Variants in ANKRD33B observed in about 807,000 individuals in gnomAD.
The protein encoded by ANKRD33B is ankyrin repeat domain 33B, also known as ankyrin repeat domain-containing protein 33B.
A neutral mutation model predicts 21.5 loss-of-function variants in ANKRD33B; 6 were observed. The observed-to-expected ratio is 0.28, with a 90% CI of 0.15 to 0.55. The LOEUF (loss-of-function observed/expected upper bound fraction) is 0.55, where lower values mean the gene tolerates loss of function less well. ANKRD33B is among the 20% of genes least tolerant of loss of function. ANKRD33B has a pLI of 0.94. For synonymous variants in ANKRD33B, 347 were observed against 342.4 expected (o/e 1.01, Z -0.15); for missense variants, 698 against 747.2 (o/e 0.93, Z 0.77).
At chr5:10,578,399 G>T (rs1369801703) in intron 1 of ANKRD33B, among the ~76,000 whole-genome samples, 2 of 152,234 alleles carry the variant, frequency 1.3e-5, no homozygotes, top group African/African-American at 2.4e-5. Context: ...GAGGAAAGCA[G>T]CATGTTAAGT....
In ANKRD33B at chr5:10,649,529, G is replaced by A. The variant is rs967396208; in HGVS notation, c.901G>A (p.Asp301Asn). 26 of 1,532,944 alleles carry A rather than the reference G, an allele frequency of 1.7e-5. No homozygotes were observed. Among genetic ancestry groups the A allele is most frequent in the Non-Finnish European group, 2.2e-5 (25 of 1,145,432 alleles). The allele number at this position is 1,532,944 out of a possible 1,614,324, so 95.0% of individuals were successfully genotyped here. A position where few individuals can be genotyped will look rare whatever the true frequency, so the allele number is the denominator to read the frequency against. The change falls in exon 4 of 4, where the codon GAC (aspartate) becomes AAC (asparagine). Residue 301 changes from aspartate to asparagine, a missense_variant. Around this residue, in one of 3 missense-constraint regions of ANKRD33B, gnomAD observed 543 missense variants for 566.5 expected, o/e 0.96. Transcript: ENST00000296657. ...LTPRSVRGPEDGGVLDHMVRM... is the reference protein window; with the variant it reads ...LTPRSVRGPENGGVLDHMVRM... ...GCCGCGCTCCGTGCGGGGCCCGGAG[G>A]ACGGGGGCGTCCTGGACCACATGGT... is the stretch of plus-strand genomic sequence containing the variant.
At chr5:10,604,320 T>G (rs900535354) in intron 1 of ANKRD33B, among the ~76,000 whole-genome samples, 8 of 148,576 alleles carry the variant, frequency 5.4e-5, no homozygotes, top group Non-Finnish European at 1.5e-5. Context: ...GCCTCCCGAG[T>G]AGCTGGGACC....
chr5:10,580,513 A>C (rs62339268), intron 1 of ANKRD33B, among the ~76,000 whole-genome samples: 2,125 of 118,532 alleles, frequency 0.018, 37 homozygotes, highest in African/African-American at 0.067. Context: ...CCCCAGCCCC[A>C]CCCTGCCACC....
At chr5:10,638,978 G>T (rs75012859) in intron 3 of ANKRD33B, among the ~76,000 whole-genome samples, 2 of 77,466 alleles carry the variant, frequency 2.6e-5, no homozygotes, top group Non-Finnish European at 4.9e-5. Context: ...CGATGTTAGC[G>T]GGTGACGCGG....
intron 1 of ANKRD33B, among the ~76,000 whole-genome samples, chr5:10,578,277 T>C (rs1485522651): frequency 6.6e-6 from 1 of 152,220 alleles, no homozygotes; most frequent in Non-Finnish European, 1.5e-5. Context: ...AACCTGCCTA[T>C]GTACAAGGCC....
intron 1 of ANKRD33B, among the ~76,000 whole-genome samples, chr5:10,570,267 A>C (rs1400669582): frequency 6.6e-6 from 1 of 152,192 alleles, no homozygotes; most frequent in Non-Finnish European, 1.5e-5. Flanking sequence ...GGTGTTTACA[A>C]CTGTAAATGT....
Position 10,648,586 on chromosome 5 carries a change from C to A in ANKRD33B, c.638-680C>A, listed in dbSNP as rs576003313. ...ACTAGCCTGACCAACATGGAGAAAC[C>A]CCCTCTCTACTAAAAATACAAAATT... On this transcript the variant is annotated intron_variant, in intron 3 of 3. Coordinates refer to ENST00000296657, the MANE Select transcript of ANKRD33B (RefSeq NM_001164440.2). 2.6e-5 allele frequency among the ~76,000 whole-genome samples: 4 copies of A among 151,904 alleles called. No homozygotes were observed. The South Asian group carries it at 8.3e-4, about 32-fold the overall frequency.
Position 10,624,573 on chromosome 5 carries a change from T to G in ANKRD33B, c.496+6111T>G, listed in dbSNP as rs992582868. 2.0e-5 allele frequency among the ~76,000 whole-genome samples: 3 copies of G among 152,212 alleles called. No homozygotes were observed. In the East Asian group the frequency reaches 5.8e-4, roughly 29 times the overall value. ...CAACCTAGGCTGCTGCCTGAGGCTTTGGGACTGAATTGTTGAGGTTGCATA... is the reference window on the plus strand; with the variant it reads ...CAACCTAGGCTGCTGCCTGAGGCTTGGGGACTGAATTGTTGAGGTTGCATA... On this transcript the variant is annotated intron_variant, in intron 2 of 3. Coordinates refer to ENST00000296657, the MANE Select transcript of ANKRD33B (RefSeq NM_001164440.2).
intron 2 of ANKRD33B, among the ~76,000 whole-genome samples, chr5:10,624,118 T>G (rs1043060781): frequency 7.3e-5 from 11 of 151,066 alleles, no homozygotes; most frequent in Admixed American, 2.6e-4. Flanking sequence ...TCTTTCGTTC[T>G]TTCTTTCTTT....
chr5:10,599,868 C>T (rs1735895794), intron 1 of ANKRD33B, among the ~76,000 whole-genome samples: 1 of 152,220 alleles, frequency 6.6e-6, no homozygotes, highest in African/African-American at 2.4e-5. Flanking sequence ...ATTACTGGAT[C>T]ATGTGGCAAT....
intron 1 of ANKRD33B, among the ~76,000 whole-genome samples, chr5:10,587,321 G>C (rs1481670661): frequency 6.6e-6 from 1 of 152,022 alleles, no homozygotes; most frequent in South Asian, 2.1e-4. Flanking sequence ...GACATGTCTT[G>C]AACTCCTGAC....
chr5:10,630,572 A>T (rs1736683790), intron 2 of ANKRD33B, among the ~76,000 whole-genome samples: 2 of 152,224 alleles, frequency 1.3e-5, no homozygotes, highest in African/African-American at 4.8e-5. Context: ...AAGGCAGGTG[A>T]ATAAGAGAAG....
At chr5:10,616,515 A>C (rs1261275099) in intron 1 of ANKRD33B, among the ~76,000 whole-genome samples, 1 of 149,080 alleles carries the variant, frequency 6.7e-6, no homozygotes, top group African/African-American at 2.5e-5. Context: ...AATGAGCTGA[A>C]ATCGCACCAT....
At chr5:10,581,278 C>T (rs1241626401) in intron 1 of ANKRD33B, among the ~76,000 whole-genome samples, 1 of 152,232 alleles carries the variant, frequency 6.6e-6, no homozygotes, top group Non-Finnish European at 1.5e-5. Flanking sequence ...GACAAACCTG[C>T]TTTGGGGACT....
chr5:10,618,914 G>C (rs1436719360), intron 2 of ANKRD33B, among the ~76,000 whole-genome samples: 1 of 152,164 alleles, frequency 6.6e-6, no homozygotes, highest in Admixed American at 6.5e-5. Flanking sequence ...AACTGTTTCT[G>C]AGAGCTGTTA....
At chr5:10,610,376 C>G (rs1736142672) in intron 1 of ANKRD33B, among the ~76,000 whole-genome samples, 1 of 151,548 alleles carries the variant, frequency 6.6e-6, no homozygotes, top group Non-Finnish European at 1.5e-5. Context: ...GGGTAGAGAC[C>G]AGGGATTGCA....
intron 1 of ANKRD33B, among the ~76,000 whole-genome samples, chr5:10,591,097 G>A (rs549666649): frequency 2.0e-4 from 30 of 151,376 alleles, no homozygotes; most frequent in African/African-American, 6.8e-4. Context: ...ACAGTCAGAT[G>A]TATCTATTTC....
intron 1 of ANKRD33B, among the ~76,000 whole-genome samples, chr5:10,568,394 A>G (rs1412870801): frequency 6.6e-6 from 1 of 152,232 alleles, no homozygotes; most frequent in Non-Finnish European, 1.5e-5. Context: ...TTGAGATGAC[A>G]GTGAAAACAC....
chr5:10,612,725 C>A (rs888849150), intron 1 of ANKRD33B, among the ~76,000 whole-genome samples: 1 of 152,192 alleles, frequency 6.6e-6, no homozygotes, highest in Admixed American at 6.5e-5. Flanking sequence ...CCGTCCCCAG[C>A]GCAAGATTCT....
Sources: allele counts gnomAD v4.1 joint callset (sites outside exome capture counted in the v4.1 genomes callset), GRCh38; gene constraint gnomAD v4.1.1; regional missense constraint gnomAD v4.1.1; transcripts MANE v1.5; gene names NCBI Gene and HGNC (gene_info 2026-07-23, HGNC 2026-07-21).